RANBP17: variants seen among roughly 807,000 people sequenced by gnomAD.
RANBP17 encodes ran-binding protein 17.
RANBP17 carries 158 observed loss-of-function variants against 141.2 expected under a neutral mutation model. That is an observed-to-expected ratio of 1.12 (90% CI 0.98 to 1.28). The LOEUF (loss-of-function observed/expected upper bound fraction) is 1.28, where lower values mean the gene tolerates loss of function less well. Among genes scored for constraint, RANBP17 ranks in the 50% most tolerant of loss-of-function variants. The pLI is 0.00. For synonymous variants in RANBP17, 430 were observed against 450.0 expected, an observed-to-expected ratio of 0.96 and a Z score of 0.56; for missense variants, 1,438 against 1,290.7, an observed-to-expected ratio of 1.11 and a Z score of -1.75.
chr5:171,165,053 C>A (rs75851389), intron 14 of RANBP17, among the ~76,000 whole-genome samples: 7,854 of 152,278 alleles, frequency 0.052, 252 homozygotes, highest in East Asian at 0.12. Flanking sequence ...CACTTCAGCA[C>A]CTACTGTGCA....
chr5:171,064,149 C>T (rs1784129951), intron 14 of RANBP17, among the ~76,000 whole-genome samples: 1 of 152,246 alleles, frequency 6.6e-6, no homozygotes, highest in African/African-American at 2.4e-5. Context: ...CTTCGGCTCA[C>T]ACACGGTGCG....
intron 14 of RANBP17, 61 bp from the exon 15 acceptor site, chr5:171,170,069 A>G (rs2127880833): frequency 1.1e-6 from 1 of 884,720 alleles, no homozygotes; most frequent in Non-Finnish European, 1.7e-6. Flanking sequence ...TTCAATTCGA[A>G]TAGTCTTTTG....
At chr5:171,255,441 AAC>A (rs1765821626) in intron 24 of RANBP17, among the ~76,000 whole-genome samples, 1 of 152,216 alleles carries the variant, frequency 6.6e-6, no homozygotes, top group South Asian at 2.1e-4. Context: ...ATTAAAAAAA[AAC>A]ATGCAGTAAA....
At chr5:171,280,339 A>G (rs1297435159) in intron 25 of RANBP17, among the ~76,000 whole-genome samples, 1 of 152,110 alleles carries the variant, frequency 6.6e-6, no homozygotes, top group African/African-American at 2.4e-5. Context: ...GTGCAGTGGC[A>G]CAATCTCAGC....
intron 14 of RANBP17, among the ~76,000 whole-genome samples, chr5:171,138,144 T>G (rs550569449): frequency 6.6e-6 from 1 of 152,148 alleles, no homozygotes; most frequent in Non-Finnish European, 1.5e-5. Context: ...AAAAACAACA[T>G]AGGACTTCCA....
chr5:171,288,836 G>A (rs1174686426), intron 25 of RANBP17, among the ~76,000 whole-genome samples: 2 of 152,130 alleles, frequency 1.3e-5, no homozygotes, highest in African/African-American at 4.8e-5. Context: ...TTTGACCTTT[G>A]CAACCTGCAA....
intron 12 of RANBP17, among the ~76,000 whole-genome samples, chr5:170,944,085 A>C (rs753639501): frequency 6.6e-6 from 1 of 152,134 alleles, no homozygotes; most frequent in Non-Finnish European, 1.5e-5. Flanking sequence ...AAGGTTCTGC[A>C]TATGAGTGAG....
rs532215514 is a variant in RANBP17, at chr5:171,063,837, C to T, written c.1710+95460C>T. On this transcript the variant is annotated intron_variant, in intron 14 of 27. Coordinates refer to ENST00000523189, the MANE Select transcript of RANBP17 (RefSeq NM_022897.5). ...CCACCCAGTTCGAGCTTCCCGGCTGCTTTGTTTACCTAGCGAGCCTGGGCA... is the reference window on the plus strand; with the variant it reads ...CCACCCAGTTCGAGCTTCCCGGCTGTTTTGTTTACCTAGCGAGCCTGGGCA... 4.6e-5 allele frequency among the ~76,000 whole-genome samples: 7 copies of T among 152,352 alleles called. 1 individual carries two copies. In the South Asian group the frequency reaches 1.2e-3, roughly 27 times the overall value.
chr5:170,886,504 CGTGT>C (rs945483474), intron 3 of RANBP17, among the ~76,000 whole-genome samples: 1 of 151,914 alleles, frequency 6.6e-6, no homozygotes, highest in Non-Finnish European at 1.5e-5. Flanking sequence ...ACAATCTAAG[CGTGT>C]GTGTAAGTTT....
chr5:171,274,111 A>AGTGTGTGTGT (rs372324815), intron 25 of RANBP17, among the ~76,000 whole-genome samples: 35 of 143,208 alleles, frequency 2.4e-4, no homozygotes, highest in South Asian at 1.2e-3. Flanking sequence ...AGTTTGATCA[A>AGTGTGTGTGT]GTGTGTGTGT....
At chr5:171,103,497 C>T (rs1029009659) in intron 14 of RANBP17, among the ~76,000 whole-genome samples, 6 of 152,280 alleles carry the variant, frequency 3.9e-5, no homozygotes, top group African/African-American at 1.2e-4. Flanking sequence ...GCTGTGCTGG[C>T]AGCGAGATTT....
At chr5:171,251,343 G>C (rs757547525) in intron 24 of RANBP17, among the ~76,000 whole-genome samples, 10 of 151,988 alleles carry the variant, frequency 6.6e-5, no homozygotes, top group Non-Finnish European at 1.2e-4. Context: ...GCCTCCTAAA[G>C]TGCTGGAATT....
intron 14 of RANBP17, among the ~76,000 whole-genome samples, chr5:171,089,733 C>G (rs187089725): frequency 6.6e-6 from 1 of 152,154 alleles, no homozygotes; most frequent in Non-Finnish European, 1.5e-5. Context: ...CAGGTGCGTT[C>G]GTCACCCCTT....
intron 1 of RANBP17, among the ~76,000 whole-genome samples, chr5:170,877,788 C>T (rs190475121): frequency 6.6e-5 from 10 of 152,278 alleles, no homozygotes; most frequent in African/African-American, 2.2e-4. Flanking sequence ...AAATCTGATT[C>T]ACTGTTGTAG....
intron 19 of RANBP17, among the ~76,000 whole-genome samples, chr5:171,203,016 C>T (rs1431623040): frequency 2.0e-5 from 3 of 152,090 alleles, no homozygotes; most frequent in Non-Finnish European, 4.4e-5. Context: ...ACACAGACAA[C>T]TGTTCACCAT....
intron 25 of RANBP17, among the ~76,000 whole-genome samples, chr5:171,280,556 G>A (rs2128036096): frequency 6.6e-6 from 1 of 152,254 alleles, no homozygotes; most frequent in South Asian, 2.1e-4. Flanking sequence ...TTACAGGTGT[G>A]CACCACCATA....
chr5:171,160,058 T>C (rs1251794942), intron 14 of RANBP17, among the ~76,000 whole-genome samples: 1 of 152,040 alleles, frequency 6.6e-6, no homozygotes, highest in Non-Finnish European at 1.5e-5. Context: ...AAACTTACCT[T>C]GGAGATAGGA....
intron 25 of RANBP17, among the ~76,000 whole-genome samples, chr5:171,290,293 C>T (rs546501872): frequency 4.0e-5 from 6 of 151,212 alleles, no homozygotes; most frequent in South Asian, 2.1e-4. Flanking sequence ...CACTTGAACC[C>T]GGGAGGCGGA....
intron 14 of RANBP17, among the ~76,000 whole-genome samples, chr5:170,994,227 T>C (rs1037635752): frequency 7.2e-5 from 11 of 152,048 alleles, no homozygotes; most frequent in African/African-American, 2.7e-4. Flanking sequence ...CCTAGTCTTG[T>C]TTCACCTGTT....
Sources: gnomAD v4.1 joint callset for allele counts (sites outside exome capture counted in the v4.1 genomes callset) on GRCh38, gnomAD v4.1.1 for gene constraint, MANE v1.5 for transcripts, NCBI Gene and HGNC (gene_info 2026-07-23, HGNC 2026-07-21) for gene names.